Variants in GMDS observed in about 807,000 individuals in gnomAD.
GMDS encodes the protein GDP-mannose 4,6-dehydratase.
A neutral mutation model predicts 49.9 loss-of-function variants in GMDS; 20 were observed. That is an observed-to-expected ratio of 0.40 (90% CI 0.28 to 0.58). GMDS has a LOEUF of 0.58. Ranked by LOEUF, GMDS falls within the 20% of genes least tolerant of loss-of-function variation. The pLI is 0.42. For synonymous variants in GMDS, 177 were observed against 178.6 expected (o/e 0.99, Z 0.07); for missense variants, 362 against 481.4 (o/e 0.75, Z 2.32).
intron 7 of GMDS, among the ~76,000 whole-genome samples, chr6:1,845,350 T>C (rs769944871): frequency 3.3e-5 from 5 of 152,222 alleles, no homozygotes; most frequent in African/African-American, 4.8e-5. Context: ...AAGAAAAGGA[T>C]ACCCAGATTC....
chr6:1,762,743 C>T (rs148814552), intron 7 of GMDS, among the ~76,000 whole-genome samples: 8 of 152,240 alleles, frequency 5.3e-5, no homozygotes, highest in South Asian at 2.1e-4. Flanking sequence ...GACACATTCG[C>T]GTCCCTGTTC....
intron 9 of GMDS, among the ~76,000 whole-genome samples, chr6:1,645,059 A>G (rs148012760): frequency 3.1e-3 from 466 of 150,890 alleles, no homozygotes; most frequent in African/African-American, 0.011. Flanking sequence ...CCTCAGCCTC[A>G]TGAGTAGCTG....
At chr6:1,909,086 T>G (rs1177018371) in intron 7 of GMDS, among the ~76,000 whole-genome samples, 1 of 152,218 alleles carries the variant, frequency 6.6e-6, no homozygotes, top group East Asian at 1.9e-4. Context: ...TTATAAACGT[T>G]TAATTTATTT....
At position 2,081,579 on chromosome 6, in the gene GMDS, A is replaced by AG. The variant is rs923233719; in HGVS notation, c.345+34191dup. ...GCTCCCCTGACCTAGGCTGACTTTGAGGGGGAAAAAAAAAGCCAATGTTTG... is the reference window on the plus strand; with the variant it reads ...GCTCCCCTGACCTAGGCTGACTTTGAGGGGGGAAAAAAAAAGCCAATGTTTG... On this transcript the variant is annotated intron_variant, in intron 4 of 10. Transcript: ENST00000380815. 4.0e-5 allele frequency among the ~76,000 whole-genome samples: 6 copies of AG among 149,654 alleles called. No individual in the cohort carries two copies. The South Asian group carries it at 8.3e-4, about 21-fold the overall frequency.
At chr6:2,023,580 G>C (rs1393638727) in intron 4 of GMDS, among the ~76,000 whole-genome samples, 1 of 152,134 alleles carries the variant, frequency 6.6e-6, no homozygotes, top group South Asian at 2.1e-4. Flanking sequence ...GAATACAAAA[G>C]ACTCTCTAAA....
intron 7 of GMDS, among the ~76,000 whole-genome samples, chr6:1,832,655 A>G (rs1756716238): frequency 6.6e-6 from 1 of 151,882 alleles, no homozygotes; most frequent in Non-Finnish European, 1.5e-5. Context: ...AGAGCCAAAG[A>G]CTCCTTGGTC....
intron 7 of GMDS, among the ~76,000 whole-genome samples, chr6:1,853,645 T>C (rs1028726543): frequency 6.6e-5 from 10 of 152,180 alleles, no homozygotes; most frequent in African/African-American, 2.4e-4. Flanking sequence ...AAGATGTCTA[T>C]GTGGGCTGTT....
chr6:1,946,544 T>C lies in GMDS; in HGVS notation c.643+13323A>G, dbSNP rs149847374. ...CTAACATCACTAACAGTCCCGTAAGTTGAAACTTTTCAAAATTCTAATATA... is the reference window on the plus strand; with the variant it reads ...CTAACATCACTAACAGTCCCGTAAGCTGAAACTTTTCAAAATTCTAATATA... On this transcript the variant is annotated intron_variant, in intron 6 of 10. Coordinates refer to ENST00000380815, the MANE Select transcript of GMDS (RefSeq NM_001500.4). Among the ~76,000 whole-genome samples the C allele has an allele frequency of 1.8e-3, 278 of 152,318 alleles. 2 individuals carry two copies. Among genetic ancestry groups the C allele is most frequent in the African/African-American group, 6.1e-3 (252 of 41,570 alleles).
chr6:1,881,381 A>C (rs1759355877), intron 7 of GMDS, among the ~76,000 whole-genome samples: 1 of 152,222 alleles, frequency 6.6e-6, no homozygotes, highest in Admixed American at 6.5e-5. Context: ...CCTCTCCCCC[A>C]AAAAATCATT....
Position 1,659,789 on chromosome 6 carries a change from T to C in GMDS, c.988-35249A>G, listed in dbSNP as rs149180032. ...GAATTACTTGAGAAAGACTTTGTTATTCAGGAAACTGAGTAACTGAAGCTC... is the reference window on the plus strand; with the variant it reads ...GAATTACTTGAGAAAGACTTTGTTACTCAGGAAACTGAGTAACTGAAGCTC... On this transcript the variant is annotated intron_variant, in intron 9 of 10. Transcript: ENST00000380815. Among the ~76,000 whole-genome samples the C allele has an allele frequency of 1.8e-3, 275 of 152,252 alleles. 2 individuals are homozygous for C. The highest frequency in any genetic ancestry group is 6.3e-3 in the African/African-American group (263 of 41,532).
chr6:1,945,128 C>A (rs185802564), intron 6 of GMDS, among the ~76,000 whole-genome samples: 7 of 152,116 alleles, frequency 4.6e-5, no homozygotes, highest in African/African-American at 1.7e-4. Context: ...TCAGAAAACA[C>A]TGTCTTAGTT....
intron 8 of GMDS, among the ~76,000 whole-genome samples, chr6:1,729,240 CT>C (rs1766703453): frequency 1.3e-5 from 2 of 152,164 alleles, no homozygotes; most frequent in Admixed American, 6.5e-5. Context: ...AGGAGAAACA[CT>C]CCCTCTCTGA....
chr6:2,204,656 T>C (rs1043918839), intron 1 of GMDS, among the ~76,000 whole-genome samples: 2 of 152,224 alleles, frequency 1.3e-5, no homozygotes, highest in African/African-American at 4.8e-5. Flanking sequence ...CTAGAGGCTG[T>C]TATTTCAGAT....
chr6:1,669,357 G>C (rs1764341340), intron 9 of GMDS, among the ~76,000 whole-genome samples: 1 of 152,100 alleles, frequency 6.6e-6, no homozygotes, highest in Non-Finnish European at 1.5e-5. Context: ...CTACACTCTG[G>C]AGGCACACAT....
intron 2 of GMDS, among the ~76,000 whole-genome samples, chr6:2,122,016 G>C (rs1775163752): frequency 6.6e-6 from 1 of 152,190 alleles, no homozygotes; most frequent in Non-Finnish European, 1.5e-5. Context: ...GTGTTTATCT[G>C]TTCCTGGTTT....
chr6:1,886,679 G>C (rs1242197098), intron 7 of GMDS, among the ~76,000 whole-genome samples: 1 of 152,078 alleles, frequency 6.6e-6, no homozygotes, highest in Admixed American at 6.5e-5. Flanking sequence ...ATCAACACCA[G>C]TGACTCAGGG....
chr6:2,137,858 T>C (rs573934994), intron 1 of GMDS, among the ~76,000 whole-genome samples: 46 of 152,368 alleles, frequency 3.0e-4, no homozygotes, highest in African/African-American at 1.1e-3. Flanking sequence ...TTTACACTTA[T>C]AGACTGGATA....
chr6:1,860,101 T>C lies in GMDS; in HGVS notation c.771+70002A>G, dbSNP rs367922593. Among the ~76,000 whole-genome samples the C allele has an allele frequency of 1.6e-4, 25 of 152,204 alleles. 1 individual carries two copies. In the South Asian group the frequency reaches 5.0e-3, roughly 30 times the overall value. ...AACAAAACAAAACCCTATATAACAATGTTTAAAAGAGGAATACAAGAATTA... is the reference window on the plus strand; with the variant it reads ...AACAAAACAAAACCCTATATAACAACGTTTAAAAGAGGAATACAAGAATTA... On this transcript the variant is annotated intron_variant, in intron 7 of 10. Coordinates refer to ENST00000380815, the MANE Select transcript of GMDS (RefSeq NM_001500.4).
At chr6:2,201,127 C>G (rs1779509869) in intron 1 of GMDS, among the ~76,000 whole-genome samples, 1 of 137,862 alleles carries the variant, frequency 7.3e-6, no homozygotes, top group Non-Finnish European at 1.6e-5. Context: ...AGAGAGAGCA[C>G]CACATGAGCA....
Sources: allele counts gnomAD v4.1 joint callset (sites outside exome capture counted in the v4.1 genomes callset), GRCh38; gene constraint gnomAD v4.1.1; transcripts MANE v1.5; gene names NCBI Gene and HGNC (gene_info 2026-07-23, HGNC 2026-07-21).